ABCB4: variants seen among roughly 807,000 people sequenced by gnomAD.
ABCB4 encodes the protein ATP binding cassette subfamily B member 4, also known as phosphatidylcholine translocator ABCB4.
Under a neutral mutation model 145.7 loss-of-function variants are expected in ABCB4, and 76 were observed. That is an observed-to-expected ratio of 0.52 (90% CI 0.43 to 0.63). The LOEUF (loss-of-function observed/expected upper bound fraction) is 0.63, where lower values mean the gene tolerates loss of function less well. ABCB4 is among the 30% of genes least tolerant of loss of function. ABCB4 has a pLI of 0.00. For synonymous variants in ABCB4, 517 were observed against 566.8 expected, an observed-to-expected ratio of 0.91 and a Z score of 1.25; for missense variants, 1,234 against 1,553.1, an observed-to-expected ratio of 0.79 and a Z score of 3.45.
At position 87,420,100 on chromosome 7, in the gene ABCB4, C is replaced by A; in HGVS notation, c.2317-25G>T. On this transcript the variant is annotated intron_variant, in intron 18 of 27. Coordinates refer to ENST00000649586, the MANE Select transcript of ABCB4 (RefSeq NM_000443.4). The stretch of plus-strand genomic sequence containing the variant: ...CCTGGTTGAGAAAAAAGGCTATGGT[C>A]TCTTTTGATCTTTATGTATGTAATT... The A allele has an allele frequency of 1.9e-6, 3 of 1,607,602 alleles. No homozygotes were observed. In the South Asian group the frequency reaches 3.3e-5, roughly 18 times the overall value.
At position 87,427,987 on chromosome 7, in the gene ABCB4, C is replaced by T. The variant is rs533176261; in HGVS notation, c.1894-1067G>A. 2.0e-5 allele frequency among the ~76,000 whole-genome samples: 3 copies of T among 152,228 alleles called. 1 individual carries two copies. The highest frequency in any genetic ancestry group is 7.2e-5 in the African/African-American group (3 of 41,538). ...CCCACACTGCTACCAGATTTATTTT[C>T]CTAAAGGGCAGCTCAAAATCATCCC... is the stretch of plus-strand genomic sequence containing the variant. On this transcript the variant is annotated intron_variant, in intron 15 of 27. Coordinates refer to ENST00000649586, the MANE Select transcript of ABCB4 (RefSeq NM_000443.4).
Position 87,443,695 on chromosome 7 carries a change from G to C in ABCB4, c.1198C>G (p.His400Asp). 6.2e-7 allele frequency: 1 copy of C among 1,613,994 alleles called. No individual in the cohort carries two copies. Among genetic ancestry groups the C allele is most frequent in the Non-Finnish European group, 8.5e-7 (1 of 1,179,936 alleles). The change falls in exon 11 of 28, where the codon CAC (histidine) becomes GAC (aspartate). Residue 400 changes from histidine to aspartate, a missense_variant. Transcript: ENST00000649586. ...IKGNLEFNDV[H>D]FSYPSRANVK... ...TTAGCTCGAGAAGGGTAAGAAAAGT[G>C]AACATCATTGAACTCCAAATTCCCT...
At chr7:87,402,413 C>G in intron 27 of ABCB4, 111 bp from the exon 28 acceptor site, 1 of 1,321,276 alleles carries the variant, frequency 7.6e-7, no homozygotes, top group Admixed American at 2.0e-5. Flanking sequence ...TTTCTAGTAT[C>G]TTAGAATCTT....
At chr7:87,468,823 C>T (rs1477545550) in intron 3 of ABCB4, among the ~76,000 whole-genome samples, 5 of 151,774 alleles carry the variant, frequency 3.3e-5, no homozygotes, top group Admixed American at 1.3e-4. Context: ...CTCAGCTACT[C>T]GAGAGGCTGA....
chr7:87,375,400 T>A, the ABCB4 span: 8 of 445,196 alleles, frequency 1.8e-5, no homozygotes, highest in African/African-American at 4.0e-5. Context: ...ATTTAGCCAA[T>A]AACTAAATTT....
At chr7:87,470,170 A>G in intron 3 of ABCB4, among the ~76,000 whole-genome samples, 1 of 152,274 alleles carries the variant, frequency 6.6e-6, no homozygotes. Context: ...AGCCATATGT[A>G]GAAAGCTGAA....
At chr7:87,437,087 A>C (rs977044096) in intron 14 of ABCB4, among the ~76,000 whole-genome samples, 10 of 152,186 alleles carry the variant, frequency 6.6e-5, no homozygotes, top group African/African-American at 2.4e-4. Context: ...GCTTTAGAAG[A>C]TTCAATATGG....
intron 16 of ABCB4, among the ~76,000 whole-genome samples, chr7:87,424,455 CCT>C (rs940006815): frequency 4.6e-5 from 7 of 152,126 alleles, no homozygotes; most frequent in Admixed American, 1.3e-4. Flanking sequence ...TACAGTCCTG[CCT>C]CTCTAACAGG....
chr7:87,433,014 G>A (rs1291105142), intron 14 of ABCB4, among the ~76,000 whole-genome samples: 8 of 152,138 alleles, frequency 5.3e-5, no homozygotes, highest in South Asian at 2.1e-4. Context: ...AAACCAGCAC[G>A]TGAATGGGTA....
chr7:87,446,920 CA>C, intron 9 of ABCB4, 113 bp downstream of exon 9: 1 of 1,042,454 alleles, frequency 9.6e-7, no homozygotes. Flanking sequence ...TCACCAAAAA[CA>C]AAAACCTATA....
intron 14 of ABCB4, among the ~76,000 whole-genome samples, chr7:87,434,893 C>A (rs1435691747): frequency 6.6e-6 from 1 of 152,166 alleles, no homozygotes; most frequent in Non-Finnish European, 1.5e-5. Flanking sequence ...ATTAATTCTG[C>A]CTCCTGGGGT....
chr7:87,443,628 C>T (rs1312705588), intron 11 of ABCB4, 35 bp downstream of exon 11: 2 of 1,579,770 alleles, frequency 1.3e-6, no homozygotes, highest in Non-Finnish European at 1.7e-6. Context: ...CAATCAACCT[C>T]AGTTAGGAAT....
chr7:87,403,806 G>A (rs1222185607), intron 26 of ABCB4, among the ~76,000 whole-genome samples: 3 of 152,196 alleles, frequency 2.0e-5, no homozygotes, highest in Non-Finnish European at 4.4e-5. Context: ...ACACAGGACT[G>A]TAGTAGTATA....
chr7:87,371,326 A>G, the ABCB4 span, among the ~76,000 whole-genome samples: 1 of 152,198 alleles, frequency 6.6e-6, no homozygotes, highest in Admixed American at 6.5e-5. Flanking sequence ...CTTTTAATCA[A>G]CAATAAATGT....
chr7:87,426,957 G>GTT (rs1445817192), intron 15 of ABCB4, 37 bp from the exon 16 acceptor site: 1 of 1,504,130 alleles, frequency 6.6e-7, no homozygotes, highest in Admixed American at 1.7e-5. Flanking sequence ...GTGTGTGTGT[G>GTT]TGTGTGTGTG....
At chr7:87,440,560 AG>A (rs1481252600) in intron 12 of ABCB4, among the ~76,000 whole-genome samples, 158 bp from the exon 13 acceptor site, 1 of 152,220 alleles carries the variant, frequency 6.6e-6, no homozygotes, top group African/African-American at 2.4e-5. Context: ...AAAAATAAAA[AG>A]CTTATGCTCT....
In ABCB4 at chr7:87,407,952, T is replaced by G; in HGVS notation, c.3279+85A>C. 1.2e-5 allele frequency: 18 copies of G among 1,554,516 alleles called. No homozygotes were observed. In the South Asian group the frequency reaches 2.0e-4, roughly 17 times the overall value. The stretch of plus-strand genomic sequence containing the variant: ...TATCAAACAGGATTCTAGGTCTACA[T>G]TTGTCCAATATTTTCCATTATGACA... On this transcript the variant is annotated intron_variant, in intron 25 of 27. Transcript: ENST00000649586.
Position 87,448,281 on chromosome 7 carries a change from C to CA in ABCB4, c.834-1077dup, listed in dbSNP as rs369892937. Reference sequence around the variant, plus strand: ...CAAACTAGGATATTTTTCTTTGTGACAAAAAAAAACAAAAAACAAAACACA... The same window carrying CA: ...CAAACTAGGATATTTTTCTTTGTGACAAAAAAAAAACAAAAAACAAAACACA... On this transcript the variant is annotated intron_variant, in intron 8 of 27. Transcript: ENST00000649586. Among the ~76,000 whole-genome samples the CA allele has an allele frequency of 2.9e-3, 424 of 148,566 alleles. 4 individuals are homozygous for CA. The highest frequency in any genetic ancestry group is 0.014 in the East Asian group (69 of 5,092).
At chr7:87,441,636 G>A (rs768954694) in intron 12 of ABCB4, among the ~76,000 whole-genome samples, 4 of 151,388 alleles carry the variant, frequency 2.6e-5, no homozygotes, top group Non-Finnish European at 2.9e-5. Context: ...GGCTTTGGAG[G>A]AGCATAGTGG....
Sources: allele counts gnomAD v4.1 joint callset (sites outside exome capture counted in the v4.1 genomes callset), GRCh38; gene constraint gnomAD v4.1.1; transcripts MANE v1.5; gene names NCBI Gene and HGNC (gene_info 2026-07-23, HGNC 2026-07-21).